Variants in LCLAT1 observed in about 807,000 individuals in gnomAD.
LCLAT1 encodes 1-AGP acyltransferase 8.
LCLAT1 carries 11 observed loss-of-function variants against 30.7 expected under a neutral mutation model. That is an observed-to-expected ratio of 0.36 (90% CI 0.23 to 0.59). LCLAT1 has a LOEUF of 0.59. LCLAT1 is among the 20% of genes least tolerant of loss of function. The pLI is 0.77. For synonymous variants in LCLAT1, 155 were observed against 151.3 expected, an observed-to-expected ratio of 1.02 and a Z score of -0.18; for missense variants, 402 against 458.6, an observed-to-expected ratio of 0.88 and a Z score of 1.13.
intron 5 of LCLAT1, among the ~76,000 whole-genome samples, chr2:30,586,719 T>G (rs1202128429): frequency 1.3e-5 from 2 of 152,154 alleles, no homozygotes; most frequent in Non-Finnish European, 2.9e-5. Context: ...TCAAGCCTCC[T>G]CTGCCCATCC....
chr2:30,495,250 GTTCT>G (rs751604349), intron 1 of LCLAT1, among the ~76,000 whole-genome samples: 22 of 151,940 alleles, frequency 1.4e-4, no homozygotes, highest in Admixed American at 3.3e-4. Flanking sequence ...GTTTATCGGT[GTTCT>G]TTGTCTCATT....
intron 3 of LCLAT1, among the ~76,000 whole-genome samples, chr2:30,559,073 T>C (rs866460671): frequency 1.3e-5 from 2 of 152,174 alleles, no homozygotes; most frequent in African/African-American, 2.4e-5. Flanking sequence ...ATGAATCTCA[T>C]AGACGAAATA....
chr2:30,468,523 T>G (rs1423485206), intron 1 of LCLAT1, among the ~76,000 whole-genome samples: 12 of 53,746 alleles, frequency 2.2e-4, no homozygotes, highest in East Asian at 4.6e-4. Flanking sequence ...TATATATCTG[T>G]TTTTTTTTTA....
intron 3 of LCLAT1, among the ~76,000 whole-genome samples, chr2:30,558,911 C>T (rs1665065908): frequency 6.6e-6 from 1 of 152,074 alleles, no homozygotes; most frequent in South Asian, 2.1e-4. Flanking sequence ...ACAAGATTAT[C>T]TATATTAACT....
chr2:30,474,243 C>T (rs1682940285), intron 1 of LCLAT1, among the ~76,000 whole-genome samples: 1 of 152,158 alleles, frequency 6.6e-6, no homozygotes, highest in South Asian at 2.1e-4. Flanking sequence ...ACTGAACCTG[C>T]TCCCTGACAG....
intron 5 of LCLAT1, among the ~76,000 whole-genome samples, chr2:30,589,857 G>A (rs542215142): frequency 3.9e-5 from 6 of 152,202 alleles, no homozygotes; most frequent in African/African-American, 1.4e-4. Flanking sequence ...TCATGTCTTT[G>A]ACCAATGTTT....
intron 5 of LCLAT1, among the ~76,000 whole-genome samples, chr2:30,571,785 T>C (rs1338591750): frequency 1.3e-5 from 2 of 152,252 alleles, no homozygotes; most frequent in East Asian, 1.9e-4. Flanking sequence ...CCTTCCGTTA[T>C]GTTAAATAAG....
At chr2:30,521,405 T>C (rs1685459372) in intron 1 of LCLAT1, among the ~76,000 whole-genome samples, 2 of 150,408 alleles carry the variant, frequency 1.3e-5, no homozygotes, top group Non-Finnish European at 3.0e-5. Context: ...AAGAACTCTC[T>C]TTTGGGGTCT....
At chr2:30,494,608 GTGTA>G (rs1401874895) in intron 1 of LCLAT1, among the ~76,000 whole-genome samples, 1 of 151,556 alleles carries the variant, frequency 6.6e-6, no homozygotes, top group Non-Finnish European at 1.5e-5. Context: ...GCACGTATGT[GTGTA>G]TGCATACATG....
chr2:30,607,153 C>A (rs767525937), intron 5 of LCLAT1: 5 of 152,074 alleles, frequency 3.3e-5, no homozygotes, highest in Admixed American at 3.3e-4. Context: ...TATATTAGTT[C>A]AACCATTGTG....
intron 5 of LCLAT1, among the ~76,000 whole-genome samples, chr2:30,598,051 T>G (rs917832723): frequency 6.6e-5 from 10 of 152,234 alleles, no homozygotes; most frequent in Non-Finnish European, 1.0e-4. Context: ...GCCAGTATTT[T>G]ATTGAGGATT....
chr2:30,591,986 C>T (rs1666717375), intron 5 of LCLAT1, among the ~76,000 whole-genome samples: 1 of 152,160 alleles, frequency 6.6e-6, no homozygotes, highest in South Asian at 2.1e-4. Flanking sequence ...TGTTTATTTA[C>T]AAGCTTACCT....
intron 3 of LCLAT1, among the ~76,000 whole-genome samples, chr2:30,555,042 T>G (rs4952148): frequency 0.22 from 33,767 of 152,008 alleles, 3,839 homozygotes; most frequent in East Asian, 0.35. Context: ...GTTCCATACC[T>G]AGACTAACAC....
intron 5 of LCLAT1, among the ~76,000 whole-genome samples, chr2:30,604,884 A>ATAAGAGCATT (rs1413642833): frequency 6.6e-6 from 1 of 152,182 alleles, no homozygotes; most frequent in Non-Finnish European, 1.5e-5. Context: ...TCCTTGGGTA[A>ATAAGAGCATT]TAAGAGCATT....
chr2:30,455,392 G>A (rs753901539), intron 1 of LCLAT1, among the ~76,000 whole-genome samples: 11 of 152,264 alleles, frequency 7.2e-5, no homozygotes, highest in Admixed American at 3.9e-4. Flanking sequence ...ATTTCTCAGC[G>A]TTCTGGAGGC....
Position 30,640,090 on chromosome 2 carries a change from CTA to C in LCLAT1, c.629-25_629-24del, listed in dbSNP as rs777708238. On this transcript the variant is annotated intron_variant, in intron 5 of 5. Coordinates refer to ENST00000379509, the MANE Select transcript of LCLAT1 (RefSeq NM_001002257.3). The stretch of plus-strand genomic sequence containing the variant: ...TCACCCAAATTGAGCACTGCTTAAT[CTA>C]TGTTTTCATCTTTTCGAAACCCAGG... 1.9e-6 allele frequency: 3 copies of C among 1,578,860 alleles called. No homozygotes were observed. In the East Asian group the frequency reaches 6.7e-5, roughly 35 times the overall value.
intron 2 of LCLAT1, among the ~76,000 whole-genome samples, chr2:30,529,523 G>A (rs1685888697): frequency 6.6e-6 from 1 of 152,186 alleles, no homozygotes; most frequent in South Asian, 2.1e-4. Flanking sequence ...AACTCAGCAT[G>A]TGCTCAGAGC....
At chr2:30,485,657 G>A (rs1683527581) in intron 1 of LCLAT1, among the ~76,000 whole-genome samples, 1 of 152,118 alleles carries the variant, frequency 6.6e-6, no homozygotes, top group Middle Eastern at 3.4e-3. Context: ...AGCAAAAAGA[G>A]CACTTTACTT....
intron 2 of LCLAT1, among the ~76,000 whole-genome samples, chr2:30,527,908 C>T (rs772241418): frequency 1.3e-5 from 2 of 152,192 alleles, no homozygotes; most frequent in Non-Finnish European, 2.9e-5. Flanking sequence ...GGCTCCAATA[C>T]AGTAGAACTA....
Sources: allele counts gnomAD v4.1 joint callset (sites outside exome capture counted in the v4.1 genomes callset), GRCh38; gene constraint gnomAD v4.1.1; transcripts MANE v1.5; gene names NCBI Gene and HGNC (gene_info 2026-07-23, HGNC 2026-07-21).